The following JMJD1C variants were observed in gnomAD, a reference collection of about 807,000 sequenced individuals.
The protein encoded by JMJD1C is jumonji domain-containing protein 1C.
JMJD1C carries 31 observed loss-of-function variants against 245.3 expected under a neutral mutation model. The observed-to-expected ratio is 0.13, with a 90% CI of 0.09 to 0.17. The LOEUF (loss-of-function observed/expected upper bound fraction) is 0.17, where lower values mean the gene tolerates loss of function less well. Ranked by LOEUF, JMJD1C falls within the 10% of genes least tolerant of loss-of-function variation. The probability of loss-of-function intolerance (pLI) is 1.00; values close to 1 mark genes in which losing one functional copy is unlikely to be tolerated. For missense variants in JMJD1C, 2,691 were observed against 3,000.2 expected, an observed-to-expected ratio of 0.90 and a Z score of 2.41; for synonymous variants, 1,057 against 1,017.4, an observed-to-expected ratio of 1.04 and a Z score of -0.74.
chr10:63,338,517 G>A (rs10740117), intron 2 of JMJD1C, among the ~76,000 whole-genome samples: 130,713 of 152,090 alleles, frequency 0.86, 56,866 homozygotes, highest in African/African-American at 0.96. Flanking sequence ...AGTAGGCACC[G>A]CTAAGATAGA....
chr10:63,353,359 C>T (rs1241172718), intron 2 of JMJD1C, among the ~76,000 whole-genome samples: 1 of 152,082 alleles, frequency 6.6e-6, no homozygotes, highest in Non-Finnish European at 1.5e-5. Flanking sequence ...AAAGGGAAGA[C>T]CATGCAAGTC....
intron 3 of JMJD1C, among the ~76,000 whole-genome samples, chr10:63,221,197 AC>A (rs1848563570): frequency 6.6e-6 from 1 of 152,196 alleles, no homozygotes; most frequent in African/African-American, 2.4e-5. Flanking sequence ...TGAATAAAAA[AC>A]AATTTGGCAA....
At chr10:63,298,199 T>C (rs915233793) in intron 2 of JMJD1C, among the ~76,000 whole-genome samples, 8 of 152,166 alleles carry the variant, frequency 5.3e-5, no homozygotes, top group Non-Finnish European at 1.2e-4. Context: ...TCGCCCTTGA[T>C]AGGCGTGAGA....
At position 63,206,654 on chromosome 10, in the gene JMJD1C, C is replaced by T; in HGVS notation, c.5015G>A (p.Gly1672Glu). The part of the protein sequence containing the change: ...GEIEEDLKPN[G>E]VLSRSAKERS... ...TTCTTTGGCACTCCTGCTGAGAACT[C>T]CATTGGGTTTCAAATCTTCTTCTAT... The change falls in exon 10 of 26, where the codon GGA (glycine) becomes GAA (glutamate). Residue 1672 changes from glycine (G) to glutamate (E), a missense_variant. By Grantham distance (98) the Gly-to-Glu change is moderately conservative (BLOSUM62 -2). Around this residue, in one of 9 missense-constraint regions of JMJD1C, gnomAD observed 144 missense variants for 143.3 expected, o/e 1.00. Coordinates refer to ENST00000399262, the MANE Select transcript of JMJD1C (RefSeq NM_032776.3). 1 of 1,611,640 alleles carries T rather than the reference C, an allele frequency of 6.2e-7. No homozygotes were observed. The highest frequency in any genetic ancestry group is 1.7e-5 in the Admixed American group (1 of 59,420).
At chr10:63,318,755 T>C (rs997538146) in intron 2 of JMJD1C, among the ~76,000 whole-genome samples, 4 of 152,146 alleles carry the variant, frequency 2.6e-5, no homozygotes, top group African/African-American at 9.7e-5. Flanking sequence ...AATATGGACA[T>C]ATTTTCTCTA....
chr10:63,186,968 T>C (rs1488571450), intron 18 of JMJD1C, among the ~76,000 whole-genome samples: 4 of 152,150 alleles, frequency 2.6e-5, no homozygotes, highest in African/African-American at 4.8e-5. Context: ...GCTGGGAGGA[T>C]TGCTTGAGCC....
chr10:63,168,208 T>TA lies in JMJD1C; in HGVS notation c.7534-75dup, dbSNP rs934783119. The TA allele has an allele frequency of 1.4e-4, 170 of 1,214,742 alleles. 1 individual carries two copies. The highest frequency in any genetic ancestry group is 3.0e-5 in the Non-Finnish European group (25 of 843,892). The allele number at this position is 1,214,742 out of a possible 1,614,324, so 75.2% of individuals were successfully genotyped here. On this transcript the variant is annotated intron_variant, in intron 25 of 25. Transcript: ENST00000399262. ...ATTAAAAAATGACAACTTCCAGATT[T>TA]AAAAAAATAATAGGGAACTAGGAAA...
At chr10:63,200,771 G>T in intron 10 of JMJD1C, 94 bp from the exon 11 acceptor site, 2 of 1,074,710 alleles carry the variant, frequency 1.9e-6, no homozygotes. Context: ...CAATTGTGAT[G>T]ATACGGTAAG....
At chr10:63,275,061 C>T (rs1327200339) in intron 2 of JMJD1C, among the ~76,000 whole-genome samples, 1 of 152,092 alleles carries the variant, frequency 6.6e-6, no homozygotes, top group African/African-American at 2.4e-5. Context: ...AAAAGAAATA[C>T]AAAATTTAGT....
intron 2 of JMJD1C, among the ~76,000 whole-genome samples, chr10:63,330,061 C>T (rs748459016): frequency 4.6e-5 from 7 of 152,098 alleles, no homozygotes; most frequent in Non-Finnish European, 1.0e-4. Context: ...CCACCACGCC[C>T]GGCTAATTTT....
chr10:63,348,988 C>T (rs1944095769), intron 2 of JMJD1C, among the ~76,000 whole-genome samples: 1 of 148,224 alleles, frequency 6.7e-6, no homozygotes, highest in Admixed American at 7.0e-5. Context: ...GTAATCCTAG[C>T]TACTTGGGAG....
chr10:63,305,626 TGGCGTGTGTGTG>T (rs1938058734), intron 2 of JMJD1C, among the ~76,000 whole-genome samples: 2 of 55,430 alleles, frequency 3.6e-5, no homozygotes, highest in Non-Finnish European at 9.5e-5. Context: ...ACCACCATGC[TGGCGTGTGTGTG>T]TGTGTGTGTG....
chr10:63,272,627 T>C (rs1856437919), intron 2 of JMJD1C, among the ~76,000 whole-genome samples: 2 of 152,174 alleles, frequency 1.3e-5, no homozygotes, highest in Admixed American at 1.3e-4. Context: ...ACCCTAATAA[T>C]TCATTCATAA....
intron 3 of JMJD1C, among the ~76,000 whole-genome samples, chr10:63,245,385 A>T (rs1852061400): frequency 6.6e-6 from 1 of 151,062 alleles, no homozygotes; most frequent in Non-Finnish European, 1.5e-5. Context: ...ATGGCTAGGG[A>T]GGCCTCACAA....
intron 1 of JMJD1C, chr10:63,427,939 A>T: frequency 1.4e-6 from 1 of 709,606 alleles, no homozygotes; most frequent in Non-Finnish European, 2.6e-6. Flanking sequence ...CAGCAGCAGC[A>T]GCAGTTTGTG....
intron 1 of JMJD1C, among the ~76,000 whole-genome samples, chr10:63,445,108 C>G (rs1298295788): frequency 6.7e-6 from 1 of 149,338 alleles, no homozygotes; most frequent in African/African-American, 2.6e-5. Flanking sequence ...TGGTACACAT[C>G]TGTAGTCCCA....
At chr10:63,380,976 T>C (rs187175938) in intron 1 of JMJD1C, among the ~76,000 whole-genome samples, 7 of 152,338 alleles carry the variant, frequency 4.6e-5, no homozygotes, top group Admixed American at 1.3e-4. Context: ...CAGTGTTTAT[T>C]GCAACACTAT....
At chr10:63,312,387 C>T (rs548448979) in intron 2 of JMJD1C, among the ~76,000 whole-genome samples, 2 of 152,272 alleles carry the variant, frequency 1.3e-5, no homozygotes, top group South Asian at 4.1e-4. Context: ...GGATTACAGG[C>T]ATGAGCCACC....
At position 63,183,790 on chromosome 10, in the gene JMJD1C, T is replaced by G. The variant is rs188575670; in HGVS notation, c.6962-221A>C. Among the ~76,000 whole-genome samples the G allele has an allele frequency of 1.0e-3, 152 of 152,230 alleles. 1 individual carries two copies. The highest frequency in any genetic ancestry group is 3.5e-3 in the African/African-American group (147 of 41,542). On this transcript the variant is annotated intron_variant, in intron 21 of 25. Coordinates refer to ENST00000399262, the MANE Select transcript of JMJD1C (RefSeq NM_032776.3). ...AAATGTACTATGATTAAAAATCAAATAAATAAAAAATCAATAAGCAGGTAC... is the reference window on the plus strand; with the variant it reads ...AAATGTACTATGATTAAAAATCAAAGAAATAAAAAATCAATAAGCAGGTAC...
Sources: allele counts gnomAD v4.1 joint callset (sites outside exome capture counted in the v4.1 genomes callset), GRCh38; gene constraint gnomAD v4.1.1; regional missense constraint gnomAD v4.1.1; transcripts MANE v1.5; gene names NCBI Gene and HGNC (gene_info 2026-07-23, HGNC 2026-07-21).